CELSR1: variants seen among roughly 807,000 people sequenced by gnomAD.
CELSR1 encodes cadherin EGF LAG seven-pass G-type receptor 1.
A neutral mutation model predicts 249.1 loss-of-function variants in CELSR1; 110 were observed. The ratio of observed to expected loss-of-function variants is 0.44; its 90% CI spans 0.38 to 0.52. CELSR1 has a LOEUF of 0.52. Among genes scored for constraint, CELSR1 ranks in the 20% least tolerant of loss-of-function variants. The pLI is 0.00. For synonymous variants in CELSR1, 2,113 were observed against 1,900.0 expected, an observed-to-expected ratio of 1.11 and a Z score of -2.92; for missense variants, 4,109 against 4,296.4, an observed-to-expected ratio of 0.96 and a Z score of 1.22.
At chr22:46,384,498 C>A in intron 20 of CELSR1, 45 bp downstream of exon 20, 1 of 1,544,374 alleles carries the variant, frequency 6.5e-7, no homozygotes, top group Non-Finnish European at 8.8e-7. Flanking sequence ...CCTCCCTGAA[C>A]GCTGGGGACT....
chr22:46,371,389 G>C (rs1459739540), intron 25 of CELSR1, among the ~76,000 whole-genome samples: 1 of 152,112 alleles, frequency 6.6e-6, no homozygotes, highest in Non-Finnish European at 1.5e-5. Context: ...CTAATCCCCA[G>C]AACCCAGGGA....
Position 46,463,741 on chromosome 22 carries a change from G to T in CELSR1, c.4149C>A (p.Gly1383=), listed in dbSNP as rs142490459. Residue 1383 remains glycine (G), a synonymous_variant, in exon 2 of 35, where the codon GGC becomes GGA. Coordinates refer to ENST00000674500, the MANE Select transcript of CELSR1 (RefSeq NM_001378328.1). ...GANGRCRSRE[G]GYTCECFEDF... The stretch of plus-strand genomic sequence containing the variant: ...CCTCGAAGCACTCGCAGGTGTAGCC[G>T]CCCTCGCGGCTGCGGCAGCGGCCGT... The T allele has an allele frequency of 6.5e-7, 1 of 1,539,446 alleles. No homozygotes were observed.
chr22:46,392,005 A>T (rs1341316590), intron 14 of CELSR1, among the ~76,000 whole-genome samples, 189 bp from the exon 15 acceptor site: 1 of 152,238 alleles, frequency 6.6e-6, no homozygotes, highest in African/African-American at 2.4e-5. Flanking sequence ...AGGCCCCACA[A>T]GGCCGGACCC....
rs1382400659 is a variant in CELSR1, at chr22:46,512,693, CTCCACAGTCAACCCTTCTTG to C, written c.3544+20914_3544+20933del. 6.6e-6 allele frequency among the ~76,000 whole-genome samples: 1 copy of C among 152,236 alleles called. No homozygotes were observed. The highest frequency in any genetic ancestry group is 1.9e-4 in the East Asian group (1 of 5,196). On this transcript the variant is annotated intron_variant, in intron 1 of 34. Transcript: ENST00000674500. This position sits in a 1 kb window ranked among gnomAD's most constrained non-coding sequence, Gnocchi z 5.2. ...CACTCTGCTCCTTCGGATAAGATCC[CTCCACAGTCAACCCTTCTTG>C]TCACGGGGATCAGGCACAGCTCCTG...
chr22:46,399,837 C>G lies in CELSR1; in HGVS notation c.5292G>C (p.Leu1764=), dbSNP rs373649560. ...CCCCGTCGGTCACCCGCAACCCGGA[C>G]AGCATCACGGACTCCACATCGGAGG... ...HGPSDVESVM[L]SGLRVTDGEW... is the part of the protein sequence containing the mutation. Residue 1764 remains leucine, a synonymous_variant, in exon 10 of 35, where the codon CTG becomes CTC. Coordinates refer to ENST00000674500, the MANE Select transcript of CELSR1 (RefSeq NM_001378328.1). The surrounding 1 kb of genome is among the most constrained non-coding windows in gnomAD (Gnocchi z 5.0). The G allele has an allele frequency of 9.5e-5, 153 of 1,614,058 alleles. 1 individual carries two copies. Among genetic ancestry groups the G allele is most frequent in the South Asian group, 2.4e-4 (22 of 91,084 alleles).
chr22:46,495,205 C>CCTA, intron 1 of CELSR1, among the ~76,000 whole-genome samples: 1 of 152,308 alleles, frequency 6.6e-6, no homozygotes, highest in East Asian at 1.9e-4. Flanking sequence ...GCTGGTACAG[C>CCTA]CTGCTACACA....
chr22:46,369,061 C>G, intron 27 of CELSR1, 118 bp downstream of exon 27: 1 of 915,052 alleles, frequency 1.1e-6, no homozygotes, highest in Non-Finnish European at 1.7e-6. Context: ...CCAGGCTGCC[C>G]CCAGCCCTCC....
intron 1 of CELSR1, among the ~76,000 whole-genome samples, chr22:46,499,036 C>T (rs912659012): frequency 1.3e-5 from 2 of 151,872 alleles, no homozygotes; most frequent in Admixed American, 1.3e-4. Flanking sequence ...AAAAATTAGC[C>T]AGGCATGGTG....
At chr22:46,425,917 T>C (rs2079531660) in intron 5 of CELSR1, among the ~76,000 whole-genome samples, 1 of 152,268 alleles carries the variant, frequency 6.6e-6, no homozygotes. Context: ...GTGCTATACA[T>C]TTCCCTCTCA....
At position 46,391,175 on chromosome 22, in the gene CELSR1, C is replaced by G; in HGVS notation, c.6250+11G>C. The G allele has an allele frequency of 6.2e-7, 1 of 1,609,018 alleles. No individual in the cohort carries two copies. The highest frequency in any genetic ancestry group is 8.5e-7 in the Non-Finnish European group (1 of 1,177,532). On this transcript the variant is annotated intron_variant, in intron 16 of 34. Coordinates refer to ENST00000674500, the MANE Select transcript of CELSR1 (RefSeq NM_001378328.1). This position sits in a 1 kb window ranked among gnomAD's most constrained non-coding sequence, Gnocchi z 4.3. Reference sequence around the variant, plus strand: ...GCCTCAGTTCCCTACACACAGGCCACGGCGACTCACCAACGGATCCCTTAG... The same window carrying G: ...GCCTCAGTTCCCTACACACAGGCCAGGGCGACTCACCAACGGATCCCTTAG...
chr22:46,386,701 C>G, intron 18 of CELSR1, 116 bp from the exon 19 acceptor site: 1 of 812,274 alleles, frequency 1.2e-6, no homozygotes, highest in Non-Finnish European at 1.8e-6. Context: ...TCATTCCAGC[C>G]CTACACTTTA....
rs1275329422 is a variant in CELSR1, at chr22:46,411,677, G to C, written c.4694C>G (p.Thr1565Ser). The C allele has an allele frequency of 6.2e-7, 1 of 1,614,072 alleles. No homozygotes were observed. Among genetic ancestry groups the C allele is most frequent in the Non-Finnish European group, 8.5e-7 (1 of 1,180,038 alleles). ...GTCCTTTCCAAAGCGCACAGCCATG[G>C]TTGTGTCACAATCATCCACTGTCAC... is the stretch of plus-strand genomic sequence containing the variant. ...AVVTVDDCDT[T>S]MAVRFGKDIG... The change falls in exon 6 of 35, where the codon ACC becomes AGC. Residue 1565 changes from threonine to serine, a missense_variant. Physicochemically the swap from Thr to Ser is moderately conservative, Grantham distance 58. This residue lies in a region of CELSR1 where 453 missense variants were observed against 492.0 expected (regional missense o/e 0.92). Coordinates refer to ENST00000674500, the MANE Select transcript of CELSR1 (RefSeq NM_001378328.1). The surrounding 1 kb of genome is among the most constrained non-coding windows in gnomAD (Gnocchi z 4.2).
At chr22:46,485,795 G>A (rs1309241628) in intron 1 of CELSR1, among the ~76,000 whole-genome samples, 1 of 152,188 alleles carries the variant, frequency 6.6e-6, no homozygotes, top group Non-Finnish European at 1.5e-5. Context: ...CCCGCAGAGG[G>A]AGAAACAGAA....
chr22:46,366,794 C>T (rs2078788218), intron 29 of CELSR1, among the ~76,000 whole-genome samples, 199 bp downstream of exon 29: 1 of 152,188 alleles, frequency 6.6e-6, no homozygotes. Flanking sequence ...GGTTAGGATG[C>T]GACCCAGGCC....
At chr22:46,462,524 C>T (rs1051849464) in intron 2 of CELSR1, among the ~76,000 whole-genome samples, 1 of 151,984 alleles carries the variant, frequency 6.6e-6, no homozygotes, top group Admixed American at 6.6e-5. Context: ...GTGCTGGTAA[C>T]GAGCAGCTAA....
rs2080866213 is a variant in CELSR1 at position 46,537,013 on chromosome 22, C to G, written c.158G>C (p.Gly53Ala). ...ALRPGCTYAV[G>A]AACTPRAPRE... ...CGGCGCCCGGGGCGTGCAAGCGGCGCCCACCGCGTAGGTACAGCCGGGCCG... is the reference window on the plus strand; with the variant it reads ...CGGCGCCCGGGGCGTGCAAGCGGCGGCCACCGCGTAGGTACAGCCGGGCCG... The change falls in exon 1 of 35, where the codon GGC (glycine) becomes GCC (alanine). Residue 53 changes from glycine to alanine, a missense_variant. Gly to Ala is a moderately conservative substitution (Grantham distance 60). Coordinates refer to ENST00000674500, the MANE Select transcript of CELSR1 (RefSeq NM_001378328.1). The surrounding 1 kb of genome is among the most constrained non-coding windows in gnomAD (Gnocchi z 5.8). 1.8e-6 allele frequency: 2 copies of G among 1,108,332 alleles called. No individual in the cohort carries two copies. Among genetic ancestry groups the G allele is most frequent in the Non-Finnish European group, 2.2e-6 (2 of 910,342 alleles). The allele number at this position is 1,108,332 out of a possible 1,614,324, so 68.7% of individuals were successfully genotyped here.
intron 5 of CELSR1, among the ~76,000 whole-genome samples, chr22:46,414,051 A>G (rs945057821): frequency 3.3e-5 from 5 of 152,200 alleles, no homozygotes; most frequent in Non-Finnish European, 7.4e-5. Context: ...GGATTCAAGC[A>G]AAAAACAGCA....
chr22:46,384,089 C>T (rs1488635270), intron 20 of CELSR1, among the ~76,000 whole-genome samples: 1 of 152,108 alleles, frequency 6.6e-6, no homozygotes, highest in Non-Finnish European at 1.5e-5. Context: ...CGCCCGCCAC[C>T]GCAGCTGGCT....
At chr22:46,370,794 G>GGCA (rs1569108546) in intron 25 of CELSR1, among the ~76,000 whole-genome samples, 1 of 152,258 alleles carries the variant, frequency 6.6e-6, no homozygotes, top group Non-Finnish European at 1.5e-5. Flanking sequence ...GGCCGGGGGA[G>GGCA]GCAGCAGCCA....
Sources: allele counts gnomAD v4.1 joint callset (sites outside exome capture counted in the v4.1 genomes callset), GRCh38; gene constraint gnomAD v4.1.1; regional missense constraint gnomAD v4.1.1; non-coding constraint Gnocchi (gnomAD v3.1); transcripts MANE v1.5; gene names NCBI Gene and HGNC (gene_info 2026-07-23, HGNC 2026-07-21).